The following NPHP4 variants were observed in gnomAD, a reference collection of about 807,000 sequenced individuals.
The protein encoded by NPHP4 is nephrocystin 4, also known as nephrocystin-4.
In NPHP4, 151 loss-of-function variants were observed where a neutral mutation model predicts 155.8. The observed-to-expected ratio is 0.97, with a 90% CI of 0.85 to 1.11. The LOEUF (loss-of-function observed/expected upper bound fraction) is 1.11, where lower values mean the gene tolerates loss of function less well. Among genes scored for constraint, NPHP4 ranks in the 50% least tolerant of loss-of-function variants. The pLI, the probability that NPHP4 is intolerant of heterozygous loss-of-function variation, is 0.00. For missense variants in NPHP4, 1,956 were observed against 1,925.7 expected, an observed-to-expected ratio of 1.02 and a Z score of -0.29; for synonymous variants, 845 against 816.8, an observed-to-expected ratio of 1.03 and a Z score of -0.59.
chr1:5,868,156 G>A (rs1257663557), intron 23 of NPHP4: 10 of 588,800 alleles, frequency 1.7e-5, no homozygotes, highest in African/African-American at 5.5e-5. Flanking sequence ...ATTATTCCTC[G>A]CGAGTACAGC....
intron 1 of NPHP4, among the ~76,000 whole-genome samples, chr1:5,990,647 A>G (rs1414654781): frequency 6.6e-6 from 1 of 152,186 alleles, no homozygotes; most frequent in Non-Finnish European, 1.5e-5. Flanking sequence ...TATTATAACT[A>G]GCTATTATAA....
At position 5,887,007 on chromosome 1, in the gene NPHP4, G is replaced by A. The variant is rs193138828; in HGVS notation, c.2485+279C>T. On this transcript the variant is annotated intron_variant, in intron 18 of 29. Transcript: ENST00000378156. The stretch of plus-strand genomic sequence containing the variant: ...AGTCACTGTATTTGAGGACTGTCCC[G>A]GAGATCCTCCAGGGATAGCAACAAA... 3.4e-3 allele frequency: 1,435 copies of A among 419,270 alleles called. 2 individuals carry two copies. The highest frequency in any genetic ancestry group is 4.5e-3 in the Non-Finnish European group (1,052 of 232,952). 26.0% of individuals were successfully genotyped at this position (419,270 alleles called of 1,614,324 possible). A position where few individuals can be genotyped will look rare whatever the true frequency, so the allele number is the denominator to read the frequency against.
chr1:5,949,033 C>T (rs928935378), intron 7 of NPHP4, among the ~76,000 whole-genome samples: 9 of 151,888 alleles, frequency 5.9e-5, no homozygotes, highest in African/African-American at 1.2e-4. Context: ...CTTTGGATAA[C>T]GAAAATAAAA....
chr1:5,905,466 G>A lies in NPHP4; in HGVS notation c.1781C>T (p.Ser594Leu), dbSNP rs576761309. Residue 594 changes from serine to leucine, a missense_variant, in exon 15 of 30, where the codon TCG (serine) becomes TTG (leucine). Transcript: ENST00000378156. The surrounding 1 kb of genome is among the most constrained non-coding windows in gnomAD (Gnocchi z 4.0). ...TQTRSSAGQP[S>L]RASMVLLQSS... is the part of the protein sequence containing the mutation. ...CTGCAGGAGCACCATGGAGGCTCTC[G>A]AGGGCTGCCCTGCAGAGCTGAGACA... The A allele has an allele frequency of 2.2e-5, 36 of 1,605,366 alleles. No individual in the cohort carries two copies. The highest frequency in any genetic ancestry group is 1.7e-4 in the Middle Eastern group (1 of 6,028).
At chr1:5,919,358 A>G (rs1204990042) in intron 11 of NPHP4, among the ~76,000 whole-genome samples, 1 of 152,228 alleles carries the variant, frequency 6.6e-6, no homozygotes, top group African/African-American at 2.4e-5. Flanking sequence ...CAGAAGGTAC[A>G]GGGTGTTCCC....
Position 5,867,876 on chromosome 1 carries a change from A to G in NPHP4, c.3336T>C (p.Gly1112=), listed in dbSNP as rs1251340834. The G allele has an allele frequency of 6.2e-7, 1 of 1,613,906 alleles. No individual in the cohort carries two copies. The highest frequency in any genetic ancestry group is 8.5e-7 in the Non-Finnish European group (1 of 1,179,870). ...GGCAGAGCACGGCGATGGGCTTGCC[A>G]CCACTCGCTCGGAACAAGACCTGTG... ...KHAKVLFRAS[G]GKPIAVLCLT... is the part of the protein sequence containing the mutation. The change falls in exon 24 of 30, where the codon GGT becomes GGC. Residue 1112 remains glycine, a synonymous_variant. Transcript: ENST00000378156. The surrounding 1 kb of genome is among the most constrained non-coding windows in gnomAD (Gnocchi z 4.1).
Position 5,978,366 on chromosome 1 carries a change from A to G in NPHP4, c.183T>C (p.Ser61=). 1 of 1,608,390 alleles carries G rather than the reference A, an allele frequency of 6.2e-7. No individual in the cohort carries two copies. Among genetic ancestry groups the G allele is most frequent in the Middle Eastern group, 1.7e-4 (1 of 6,054 alleles). ...AGTGCCGGTAGGTGACATCAAAGAA[A>G]GACACTCGCAGATGGCATTCAACCT... ...LSEVECHLRV[S]FFDVTYRHFF... is the part of the protein sequence containing the mutation. Residue 61 remains serine (S), a synonymous_variant, in exon 3 of 30, where the codon TCT becomes TCC. Transcript: ENST00000378156.
At chr1:5,984,256 C>T (rs970181264) in intron 2 of NPHP4, among the ~76,000 whole-genome samples, 1 of 152,088 alleles carries the variant, frequency 6.6e-6, no homozygotes, top group African/African-American at 2.4e-5. Flanking sequence ...GGTACAGTGC[C>T]GGGCATGTGG....
In NPHP4 at chr1:5,874,854, G is replaced by T. The variant is rs372051668; in HGVS notation, c.3044+20C>A. ...ACACAGATCTGGGCTGGGGCAGGAC[G>T]GGCACCACTGAGACCTCACCTGAGC... is the stretch of plus-strand genomic sequence containing the variant. On this transcript the variant is annotated intron_variant, in intron 21 of 29. Coordinates refer to ENST00000378156, the MANE Select transcript of NPHP4 (RefSeq NM_015102.5). 3 of 1,604,704 alleles carry T rather than the reference G, an allele frequency of 1.9e-6. No individual in the cohort carries two copies. Among genetic ancestry groups the T allele is most frequent in the Non-Finnish European group, 2.6e-6 (3 of 1,171,920 alleles).
At chr1:5,978,162 G>T in intron 3 of NPHP4, 108 bp downstream of exon 3, 1 of 1,009,932 alleles carries the variant, frequency 9.9e-7, no homozygotes, top group Non-Finnish European at 1.5e-6. Context: ...AGTCTGAGAC[G>T]CGCTGTGAGG....
rs769133137 is a variant in NPHP4, at chr1:5,905,244, A to G, written c.1955+48T>C. On this transcript the variant is annotated intron_variant, in intron 15 of 29. Transcript: ENST00000378156. The surrounding 1 kb of genome is among the most constrained non-coding windows in gnomAD (Gnocchi z 4.0). ...AACCTCAGCGAAGTTTCTCTTCAAC[A>G]CAGGAAATGTGAAAGCCAGATGAGT... is the stretch of plus-strand genomic sequence containing the variant. 4.0e-6 allele frequency: 6 copies of G among 1,488,922 alleles called. No homozygotes were observed. The South Asian group carries it at 6.8e-5, about 17-fold the overall frequency. 92.2% of individuals were successfully genotyped at this position (1,488,922 alleles called of 1,614,324 possible). A position where few individuals can be genotyped will look rare whatever the true frequency, so the allele number is the denominator to read the frequency against.
intron 3 of NPHP4, among the ~76,000 whole-genome samples, chr1:5,969,615 T>C (rs1303519172): frequency 1.3e-5 from 2 of 152,204 alleles, no homozygotes; most frequent in South Asian, 2.1e-4. Context: ...AGAGCAGCTA[T>C]GCACCCAACC....
chr1:5,909,178 G>C lies in NPHP4; in HGVS notation c.1477C>G (p.Pro493Ala). 6.2e-7 allele frequency: 1 copy of C among 1,603,386 alleles called. No individual in the cohort carries two copies. Among genetic ancestry groups the C allele is most frequent in the Non-Finnish European group, 8.5e-7 (1 of 1,175,348 alleles). Residue 493 changes from proline (P) to alanine (A), a missense_variant, in exon 12 of 30, where the codon CCG becomes GCG. Pro to Ala is a conservative substitution (Grantham distance 27, BLOSUM62 -1). Coordinates refer to ENST00000378156, the MANE Select transcript of NPHP4 (RefSeq NM_015102.5). ...PAPVPRVLAAPQNSPVGPGLS... is the reference protein window; with the variant it reads ...PAPVPRVLAAAQNSPVGPGLS... ...CCTGGTCCCACAGGTGAGTTCTGCGGGGCAGCGAGAACTCGAGGTACTGGC... is the reference window on the plus strand; with the variant it reads ...CCTGGTCCCACAGGTGAGTTCTGCGCGGCAGCGAGAACTCGAGGTACTGGC...
rs565223959 is a variant in NPHP4 at position 5,863,942 on chromosome 1, T to C, written c.4088A>G (p.His1363Arg). The C allele has an allele frequency of 1.1e-5, 18 of 1,613,644 alleles. No homozygotes were observed. The South Asian group carries it at 1.6e-4, about 15-fold the overall frequency. The change falls in exon 29 of 30, where the codon CAC becomes CGC. Residue 1363 changes from histidine to arginine, a missense_variant. His to Arg is a conservative substitution (Grantham distance 29, BLOSUM62 0). Transcript: ENST00000378156. Reference protein sequence around the residue: ...TNPYPSRRTFHLHSDHPELLR... With the variant: ...TNPYPSRRTFRLHSDHPELLR... ...CAGCTCCGGGTGGTCGCTGTGCAGG[T>C]GGAATGTCCTCCGGGAGGGGTAGGG...
chr1:5,885,829 T>C lies in NPHP4; in HGVS notation c.2485+1457A>G, dbSNP rs539326044. Among the ~76,000 whole-genome samples the C allele has an allele frequency of 5.3e-5, 8 of 152,242 alleles. No homozygotes were observed. In the East Asian group the frequency reaches 1.2e-3, roughly 22 times the overall value. On this transcript the variant is annotated intron_variant, in intron 18 of 29. Transcript: ENST00000378156. Reference sequence around the variant, plus strand: ...AAAGAAAAGCCATAACACCTTTTTTTCCAAAAAACGCAGAACTGACGGAGG... The same window carrying C: ...AAAGAAAAGCCATAACACCTTTTTTCCCAAAAAACGCAGAACTGACGGAGG...
chr1:5,895,949 T>C (rs1644375297), intron 16 of NPHP4, among the ~76,000 whole-genome samples: 1 of 151,970 alleles, frequency 6.6e-6, no homozygotes, highest in Admixed American at 6.5e-5. Flanking sequence ...CCACAGAGCA[T>C]GACGCAGCTA....
intron 9 of NPHP4, among the ~76,000 whole-genome samples, chr1:5,937,338 C>A (rs1289275385): frequency 1.3e-5 from 2 of 152,250 alleles, no homozygotes; most frequent in African/African-American, 4.8e-5. Flanking sequence ...CACATTTCCG[C>A]TGCTTTGAGC....
chr1:5,962,855 A>G (rs939337930), intron 5 of NPHP4, among the ~76,000 whole-genome samples: 1 of 152,216 alleles, frequency 6.6e-6, no homozygotes, highest in African/African-American at 2.4e-5. Flanking sequence ...GGGGAGAGGC[A>G]CACCCCCGAA....
In NPHP4 at chr1:5,952,846, T is replaced by C. The variant is rs1031299307; in HGVS notation, c.674-10A>G. ...TTTCGGAGAGCGTCGCCTGAAACAG[T>C]GAGGGTGCGAAAAGGGTCATCCTTG... On this transcript the variant is annotated splice_polypyrimidine_tract_variant and intron_variant, in intron 6 of 29. Transcript: ENST00000378156. The C allele has an allele frequency of 5.6e-6, 9 of 1,593,480 alleles. No homozygotes were observed. The African/African-American group carries it at 8.1e-5, about 14-fold the overall frequency.
Sources: allele counts gnomAD v4.1 joint callset (sites outside exome capture counted in the v4.1 genomes callset), GRCh38; gene constraint gnomAD v4.1.1; non-coding constraint Gnocchi (gnomAD v3.1); transcripts MANE v1.5; gene names NCBI Gene and HGNC (gene_info 2026-07-23, HGNC 2026-07-21).